C9orf85: variants seen among roughly 807,000 people sequenced by gnomAD.
C9orf85 encodes chromosome 9 open reading frame 85.
A neutral mutation model predicts 14.9 loss-of-function variants in C9orf85; 16 were observed. The ratio of observed to expected loss-of-function variants is 1.08; its 90% CI spans 0.73 to 1.63. C9orf85 has a LOEUF of 1.63. Among genes scored for constraint, C9orf85 ranks in the 40% most tolerant of loss-of-function variants. The pLI is 0.00. For missense variants in C9orf85, 172 were observed against 186.1 expected (o/e 0.92, Z 0.44); for synonymous variants, 45 against 56.8 (o/e 0.79, Z 0.93).
chr9:71,951,038 T>G (rs1433016045), intron 2 of C9orf85, among the ~76,000 whole-genome samples: 1 of 152,166 alleles, frequency 6.6e-6, no homozygotes, highest in Non-Finnish European at 1.5e-5. Flanking sequence ...CAGACTTACC[T>G]GTTTCAACCA....
chr9:71,961,216 A>G (rs1822512964), intron 2 of C9orf85, among the ~76,000 whole-genome samples: 2 of 151,982 alleles, frequency 1.3e-5, no homozygotes, highest in Non-Finnish European at 2.9e-5. Context: ...CCTGGCCTCC[A>G]GCATTTCTTA....
intron 1 of C9orf85, among the ~76,000 whole-genome samples, chr9:71,915,526 G>T (rs1294537212): frequency 6.6e-6 from 1 of 152,012 alleles, no homozygotes; most frequent in East Asian, 1.9e-4. Context: ...TAAGAATAAA[G>T]CCCATAATAA....
intron 2 of C9orf85, among the ~76,000 whole-genome samples, chr9:71,955,908 T>A (rs1385283081): frequency 6.6e-6 from 1 of 152,184 alleles, no homozygotes; most frequent in African/African-American, 2.4e-5. Context: ...TGGAGACCTA[T>A]GATTTAAATG....
chr9:71,912,756 T>C lies in C9orf85; in HGVS notation c.102+920T>C, dbSNP rs559459541. On this transcript the variant is annotated intron_variant, in intron 1 of 3. Coordinates refer to ENST00000334731, the MANE Select transcript of C9orf85 (RefSeq NM_182505.5). ...AAAAATTAGCCGACGTGGTGACGGG[T>C]GCCGGTAATCCCAGCTACTCGGGAG... is the stretch of plus-strand genomic sequence containing the variant. Among the ~76,000 whole-genome samples the C allele has an allele frequency of 2.0e-5, 3 of 152,074 alleles. No homozygotes were observed. The South Asian group carries it at 6.2e-4, about 32-fold the overall frequency.
chr9:71,918,630 G>A lies in C9orf85; in HGVS notation c.102+6794G>A, dbSNP rs539766210. ...CATTACCACCTGAGTTCTGCCTCCT[G>A]TCAGATCAGCTCTGGCATTAGATTC... On this transcript the variant is annotated intron_variant, in intron 1 of 3. Coordinates refer to ENST00000334731, the MANE Select transcript of C9orf85 (RefSeq NM_182505.5). The A allele has an allele frequency of 2.3e-5, 8 of 342,126 alleles. No individual in the cohort carries two copies. In the East Asian group the frequency reaches 6.0e-4, roughly 26 times the overall value. 21.2% of individuals were successfully genotyped at this position (342,126 alleles called of 1,614,324 possible).
intron 2 of C9orf85, among the ~76,000 whole-genome samples, chr9:71,952,572 T>G (rs1244992680): frequency 2.0e-5 from 3 of 152,120 alleles, no homozygotes; most frequent in Non-Finnish European, 1.5e-5. Flanking sequence ...TTCACCGTGT[T>G]AGCCAGGATG....
chr9:71,943,560 GAGA>G (rs1330100871), intron 1 of C9orf85, among the ~76,000 whole-genome samples: 1 of 142,384 alleles, frequency 7.0e-6, no homozygotes, highest in Non-Finnish European at 1.5e-5. Flanking sequence ...TTTTTTTTTT[GAGA>G]AGGAGTTTCG....
intron 2 of C9orf85, among the ~76,000 whole-genome samples, chr9:71,952,525 C>G (rs1380108741): frequency 2.6e-5 from 4 of 152,058 alleles, no homozygotes; most frequent in African/African-American, 9.7e-5. Flanking sequence ...CCACCACACC[C>G]GGCTAATTTT....
intron 1 of C9orf85, among the ~76,000 whole-genome samples, chr9:71,940,439 G>T (rs1017575549): frequency 1.3e-5 from 2 of 151,850 alleles, no homozygotes; most frequent in African/African-American, 4.8e-5. Flanking sequence ...GTCTCTTAAA[G>T]AAACAAACAA....
At chr9:71,953,732 G>A (rs370932768) in intron 2 of C9orf85, among the ~76,000 whole-genome samples, 22 of 151,868 alleles carry the variant, frequency 1.4e-4, no homozygotes, top group Non-Finnish European at 2.9e-4. Flanking sequence ...TAAATTGATC[G>A]TTGCATCTCA....
At chr9:71,923,355 G>T (rs940710847) in intron 1 of C9orf85, among the ~76,000 whole-genome samples, 7 of 151,982 alleles carry the variant, frequency 4.6e-5, no homozygotes, top group Admixed American at 4.6e-4. Context: ...TGCAACTTCC[G>T]CCTCCTGGGT....
chr9:71,942,673 T>C (rs1198060747), intron 1 of C9orf85, among the ~76,000 whole-genome samples: 2 of 152,106 alleles, frequency 1.3e-5, no homozygotes, highest in Non-Finnish European at 2.9e-5. Context: ...GAGGCCAAGG[T>C]GGGCGGATCA....
At chr9:71,929,935 T>G (rs10746897) in intron 1 of C9orf85, among the ~76,000 whole-genome samples, 135,816 of 145,092 alleles carry the variant, frequency 0.94, 64,295 homozygotes, top group East Asian at 1. Context: ...GCAAATCTCT[T>G]AATTCTTTGA....
intron 3 of C9orf85, among the ~76,000 whole-genome samples, chr9:71,972,293 CTTG>C (rs955172117): frequency 7.9e-5 from 12 of 151,532 alleles, no homozygotes; most frequent in Non-Finnish European, 1.5e-4. Flanking sequence ...GAGTTTCGCT[CTTG>C]TTGTCCAGGC....
intron 2 of C9orf85, among the ~76,000 whole-genome samples, chr9:71,970,112 T>A (rs192235497): frequency 5.9e-5 from 9 of 152,052 alleles, no homozygotes; most frequent in Admixed American, 4.6e-4. Flanking sequence ...GCCCAGCTAA[T>A]TTTTTTTGTA....
At chr9:71,971,831 G>A (rs1054706221) in intron 3 of C9orf85, among the ~76,000 whole-genome samples, 9 of 151,956 alleles carry the variant, frequency 5.9e-5, no homozygotes, top group East Asian at 1.9e-4. Context: ...AAAATTAGCC[G>A]GGCACAGTGG....
intron 1 of C9orf85, among the ~76,000 whole-genome samples, chr9:71,921,477 G>A (rs924647302): frequency 6.6e-6 from 1 of 152,210 alleles, no homozygotes; most frequent in Admixed American, 6.5e-5. Context: ...GATCTGGAAG[G>A]CTCCCCCACC....
intron 1 of C9orf85, among the ~76,000 whole-genome samples, chr9:71,936,424 T>C (rs1828193582): frequency 6.6e-6 from 1 of 150,562 alleles, no homozygotes; most frequent in South Asian, 2.1e-4. Context: ...AAGGAACAAA[T>C]GGGATTGAAA....
chr9:71,944,788 ATTCTTACTCTCATTAAT>A (rs1822040225), intron 1 of C9orf85, among the ~76,000 whole-genome samples: 1 of 152,094 alleles, frequency 6.6e-6, no homozygotes. Flanking sequence ...ATTCTTTCTC[ATTCTTACTCTCATTAAT>A]TTCTTAACAC....
Sources: gnomAD v4.1 joint callset for allele counts (sites outside exome capture counted in the v4.1 genomes callset) on GRCh38, gnomAD v4.1.1 for gene constraint, MANE v1.5 for transcripts, NCBI Gene and HGNC (gene_info 2026-07-23, HGNC 2026-07-21) for gene names.